NCAM2: variants seen among roughly 807,000 people sequenced by gnomAD.
NCAM2 encodes the protein N-CAM-2.
In NCAM2, 30 loss-of-function variants were observed where a neutral mutation model predicts 98.1. That is an observed-to-expected ratio of 0.31 (90% CI 0.23 to 0.41). NCAM2 has a LOEUF of 0.41. Among genes scored for constraint, NCAM2 ranks in the 10% least tolerant of loss-of-function variants. The pLI is 1.00. For missense variants in NCAM2, 867 were observed against 1,005.8 expected, an observed-to-expected ratio of 0.86 and a Z score of 1.87; for synonymous variants, 368 against 342.4, an observed-to-expected ratio of 1.07 and a Z score of -0.83.
intron 1 of NCAM2, among the ~76,000 whole-genome samples, chr21:21,119,443 G>C (rs148369568): frequency 3.9e-5 from 6 of 152,222 alleles, no homozygotes; most frequent in African/African-American, 1.4e-4. Context: ...TAAGGTATTT[G>C]ATTTTAAAAG....
intron 9 of NCAM2, among the ~76,000 whole-genome samples, chr21:21,376,231 G>T (rs946216875): frequency 5.3e-5 from 8 of 151,708 alleles, no homozygotes; most frequent in Non-Finnish European, 8.9e-5. Context: ...CTGAATTATT[G>T]TCCATGCATG....
At chr21:21,285,487 A>G (rs1203076417) in intron 3 of NCAM2, among the ~76,000 whole-genome samples, 1 of 151,980 alleles carries the variant, frequency 6.6e-6, no homozygotes, top group Non-Finnish European at 1.5e-5. Flanking sequence ...TAGAGTATCT[A>G]TTTCACAATA....
chr21:21,108,393 G>T (rs2066391934), intron 1 of NCAM2, among the ~76,000 whole-genome samples: 1 of 151,550 alleles, frequency 6.6e-6, no homozygotes, highest in Non-Finnish European at 1.5e-5. Context: ...TTTGGCCATT[G>T]ACGGCACTTT....
At chr21:21,004,693 T>G (rs942600857) in intron 1 of NCAM2, among the ~76,000 whole-genome samples, 1 of 152,190 alleles carries the variant, frequency 6.6e-6, no homozygotes, top group Non-Finnish European at 1.5e-5. Context: ...GTTTAGTGCC[T>G]AGAATGAGCT....
intron 1 of NCAM2, among the ~76,000 whole-genome samples, chr21:21,053,033 A>G (rs750359102): frequency 3.3e-5 from 5 of 152,102 alleles, no homozygotes; most frequent in African/African-American, 1.2e-4. Flanking sequence ...TTTTACTTAC[A>G]GCGGACAAAC....
At chr21:21,388,248 A>G (rs1377393510) in intron 9 of NCAM2, among the ~76,000 whole-genome samples, 3 of 152,192 alleles carry the variant, frequency 2.0e-5, no homozygotes, top group African/African-American at 7.2e-5. Flanking sequence ...AGGGTAATAC[A>G]CTAGCCTTCT....
chr21:21,341,139 C>T (rs150130326), intron 8 of NCAM2, among the ~76,000 whole-genome samples: 86 of 152,166 alleles, frequency 5.7e-4, no homozygotes, highest in African/African-American at 2.0e-3. Context: ...GGTCAAGTCA[C>T]GCTTGAAGCA....
rs535027118 is a variant in NCAM2, at chr21:21,518,354, G to A, written c.2282+9299G>A. Among the ~76,000 whole-genome samples the A allele has an allele frequency of 5.3e-5, 8 of 152,102 alleles. No homozygotes were observed. In the East Asian group the frequency reaches 1.5e-3, roughly 29 times the overall value. ...ACAAAATGCAAACTGCATATTTATT[G>A]GACATGGAATAAACTAAAGAACAAA... On this transcript the variant is annotated intron_variant, in intron 16 of 17. Transcript: ENST00000400546.
At chr21:21,477,144 C>A in intron 14 of NCAM2, 147 bp from the exon 15 acceptor site, 1 of 490,682 alleles carries the variant, frequency 2.0e-6, no homozygotes, top group Non-Finnish European at 3.4e-6. Flanking sequence ...GCTTCATTGA[C>A]ACAGCAACTT....
At chr21:21,189,301 TAAAAC>T (rs1372544569) in intron 1 of NCAM2, among the ~76,000 whole-genome samples, 2 of 152,118 alleles carry the variant, frequency 1.3e-5, no homozygotes, top group African/African-American at 2.4e-5. Flanking sequence ...AAAATAAAAA[TAAAAC>T]TGGGTCATTT....
chr21:21,131,032 TC>T (rs1225803984), intron 1 of NCAM2, among the ~76,000 whole-genome samples: 1 of 152,134 alleles, frequency 6.6e-6, no homozygotes, highest in East Asian at 1.9e-4. Flanking sequence ...TCCTCTGTGA[TC>T]CATATGTGCA....
chr21:21,143,764 G>A (rs546561758), intron 1 of NCAM2, among the ~76,000 whole-genome samples: 3 of 140,226 alleles, frequency 2.1e-5, no homozygotes, highest in Admixed American at 2.1e-4. Flanking sequence ...TTGGTGTCTT[G>A]TAGGCCTTTT....
At chr21:21,462,551 G>A (rs1387182892) in intron 12 of NCAM2, among the ~76,000 whole-genome samples, 1 of 151,816 alleles carries the variant, frequency 6.6e-6, no homozygotes, top group Non-Finnish European at 1.5e-5. Flanking sequence ...AATAAAAAGA[G>A]AATAAACTTT....
intron 8 of NCAM2, among the ~76,000 whole-genome samples, chr21:21,371,664 C>T (rs555000981): frequency 3.3e-5 from 5 of 151,930 alleles, no homozygotes; most frequent in South Asian, 2.1e-4. Context: ...TGTCAGGAAA[C>T]ATACCTACCC....
intron 1 of NCAM2, among the ~76,000 whole-genome samples, chr21:21,017,968 C>T (rs1406801705): frequency 1.3e-5 from 2 of 152,180 alleles, no homozygotes; most frequent in East Asian, 3.9e-4. Flanking sequence ...TTTCAATGCT[C>T]TATCAAAATG....
chr21:21,071,996 T>C (rs2065581536), intron 1 of NCAM2, among the ~76,000 whole-genome samples: 1 of 150,914 alleles, frequency 6.6e-6, no homozygotes, highest in Non-Finnish European at 1.5e-5. Flanking sequence ...CACTGCAAGC[T>C]CCGCCTCCCG....
At chr21:21,438,330 G>T (rs1569064156) in intron 12 of NCAM2, among the ~76,000 whole-genome samples, 1 of 151,762 alleles carries the variant, frequency 6.6e-6, no homozygotes. Flanking sequence ...CCTGTTAGTA[G>T]ATTCTAATCT....
rs2073097655 is a variant in NCAM2, at chr21:21,286,262, G to A, written c.338-7G>A. 3.8e-6 allele frequency: 6 copies of A among 1,583,622 alleles called. No individual in the cohort carries two copies. Among genetic ancestry groups the A allele is most frequent in the Non-Finnish European group, 5.2e-6 (6 of 1,162,700 alleles). On this transcript the variant is annotated splice_polypyrimidine_tract_variant and splice_region_variant and intron_variant, in intron 3 of 17. Transcript: ENST00000400546. The stretch of plus-strand genomic sequence containing the variant: ...GATTTGTGATTTGTTTTACTTTGTT[G>A]ATACAGAAAAACTCACTTTCAGAGA...
intron 1 of NCAM2, among the ~76,000 whole-genome samples, chr21:21,265,004 A>ATG (rs1267212100): frequency 9.2e-6 from 1 of 108,550 alleles, no homozygotes; most frequent in African/African-American, 3.4e-5. Context: ...GTGTATATAT[A>ATG]CACATATATA....
Sources: gnomAD v4.1 joint callset for allele counts (sites outside exome capture counted in the v4.1 genomes callset) on GRCh38, gnomAD v4.1.1 for gene constraint, MANE v1.5 for transcripts, NCBI Gene and HGNC (gene_info 2026-07-23, HGNC 2026-07-21) for gene names.